The following FAM167A variants were observed in gnomAD, a reference collection of about 807,000 sequenced individuals.
FAM167A encodes the protein family with sequence similarity 167 member A.
FAM167A carries 23 observed loss-of-function variants against 14.9 expected under a neutral mutation model. That is an observed-to-expected ratio of 1.55 (90% CI 1.11 to 2.19). FAM167A has a LOEUF of 2.19. FAM167A is among the 30% of genes most tolerant of loss of function. The probability of loss-of-function intolerance (pLI) is 0.00; values close to 1 mark genes in which losing one functional copy is unlikely to be tolerated. For synonymous variants in FAM167A, 174 were observed against 117.7 expected (o/e 1.48, Z -3.10); for missense variants, 401 against 281.5 (o/e 1.42, Z -3.04).
rs1804994494 is a variant in FAM167A at position 11,424,524 on chromosome 8, T to C, written c.494A>G (p.Asn165Ser). 3.1e-6 allele frequency: 5 copies of C among 1,614,158 alleles called. No individual in the cohort carries two copies. Among genetic ancestry groups the C allele is most frequent in the Non-Finnish European group, 4.2e-6 (5 of 1,180,014 alleles). Residue 165 changes from asparagine to serine, a missense_variant, in exon 3 of 3, where the codon AAC becomes AGC. Asn to Ser is a conservative substitution (Grantham distance 46). Coordinates refer to ENST00000284486, the MANE Select transcript of FAM167A (RefSeq NM_053279.3). ...CTCCTCCAGCTCGTAGGTGGCATCG[T>C]TGAGCATCCTCCTGTGGAGGCGGCA... ...HTCRLHRRMLNDATYELEERD... is the reference protein window; with the variant it reads ...HTCRLHRRMLSDATYELEERD...
At chr8:11,453,059 T>A (rs57526558) in intron 1 of FAM167A, among the ~76,000 whole-genome samples, 1 of 152,008 alleles carries the variant, frequency 6.6e-6, no homozygotes, top group African/African-American at 2.4e-5. Context: ...GCCTGGGGAC[T>A]TGGACGCTGT....
intron 2 of FAM167A, among the ~76,000 whole-genome samples, chr8:11,426,429 T>A (rs1015040624): frequency 6.6e-6 from 1 of 152,226 alleles, no homozygotes; most frequent in African/African-American, 2.4e-5. Flanking sequence ...TTTAAGTATT[T>A]TACAGAGTTT....
At chr8:11,439,435 G>A (rs1157258919) in intron 2 of FAM167A, among the ~76,000 whole-genome samples, 1 of 152,252 alleles carries the variant, frequency 6.6e-6, no homozygotes, top group African/African-American at 2.4e-5. Context: ...AGGCAGCACA[G>A]GCAACAGAGG....
chr8:11,426,392 C>CACTT, intron 2 of FAM167A, among the ~76,000 whole-genome samples: 1 of 152,200 alleles, frequency 6.6e-6, no homozygotes, highest in Non-Finnish European at 1.5e-5. Flanking sequence ...GGCCCATGGT[C>CACTT]ACTTACACTG....
chr8:11,434,910 T>C (rs992502099), intron 2 of FAM167A: 1 of 403,434 alleles, frequency 2.5e-6, no homozygotes, highest in South Asian at 1.8e-5. Flanking sequence ...GTGGGAGAGA[T>C]GTGACTGCTG....
chr8:11,438,379 G>A (rs566490107), intron 2 of FAM167A: 3 of 450,292 alleles, frequency 6.7e-6, no homozygotes, highest in South Asian at 1.6e-5. Flanking sequence ...GAGATTGAAG[G>A]CCTTACTTTT....
chr8:11,450,073 A>G (rs1368685357), intron 1 of FAM167A, among the ~76,000 whole-genome samples: 2 of 152,130 alleles, frequency 1.3e-5, no homozygotes, highest in Non-Finnish European at 2.9e-5. Context: ...ATAAGACACA[A>G]TCTTTCCAAC....
At chr8:11,441,495 A>T (rs1250604643) in intron 2 of FAM167A, among the ~76,000 whole-genome samples, 4 of 152,162 alleles carry the variant, frequency 2.6e-5, no homozygotes, top group East Asian at 1.9e-4. Flanking sequence ...GCTCTGAGAG[A>T]TTCTCTATCC....
Position 11,444,701 on chromosome 8 carries a change from G to C in FAM167A, c.-290C>G. 8.3e-7 allele frequency: 1 copy of C among 1,204,126 alleles called. No individual in the cohort carries two copies. The highest frequency in any genetic ancestry group is 1.0e-6 in the Non-Finnish European group (1 of 966,828). 74.6% of individuals were successfully genotyped at this position (1,204,126 alleles called of 1,614,324 possible). On this transcript the variant is annotated 5_prime_UTR_variant, in exon 2 of 3. Coordinates refer to ENST00000284486, the MANE Select transcript of FAM167A (RefSeq NM_053279.3). ...AACAGACAGCGTCGCAGGAATCTCG[G>C]GGCAGCCTGTGCCAAGGTCTATCTG...
Position 11,421,575 on chromosome 8 carries a change from C to A in FAM167A, c.*2798G>T, listed in dbSNP as rs570280545. On this transcript the variant is annotated 3_prime_UTR_variant, in exon 3 of 3. Transcript: ENST00000284486. Reference sequence around the variant, plus strand: ...AATCATAAAAAATAAAAGTATAAATCGTCCATTGATTATGTAATAGCACTT... The same window carrying A: ...AATCATAAAAAATAAAAGTATAAATAGTCCATTGATTATGTAATAGCACTT... The A allele has an allele frequency of 2.5e-6, 1 of 397,458 alleles. No homozygotes were observed. The highest frequency in any genetic ancestry group is 4.4e-6 in the Non-Finnish European group (1 of 225,734). The allele number at this position is 397,458 out of a possible 1,614,324, so 24.6% of individuals were successfully genotyped here.
chr8:11,431,506 C>T (rs578122337), intron 2 of FAM167A, among the ~76,000 whole-genome samples: 10 of 152,302 alleles, frequency 6.6e-5, no homozygotes, highest in African/African-American at 2.2e-4. Flanking sequence ...GTGAACTGTA[C>T]ATATAAAATG....
rs1040751901 is a variant in FAM167A, at chr8:11,445,303, G to A, written c.-397-495C>T. ...GGCTAAGGTGGGTCTGCTCCGTCCA[G>A]GTGCCACTGCCCCCTCACCACCTCC... On this transcript the variant is annotated intron_variant, in intron 1 of 2. Transcript: ENST00000284486. 5 of 985,864 alleles carry A rather than the reference G, an allele frequency of 5.1e-6. No homozygotes were observed. The African/African-American group carries it at 8.7e-5, about 17-fold the overall frequency. 61.1% of individuals were successfully genotyped at this position (985,864 alleles called of 1,614,324 possible).
At chr8:11,447,508 T>C (rs1038738276) in intron 1 of FAM167A, among the ~76,000 whole-genome samples, 2 of 152,214 alleles carry the variant, frequency 1.3e-5, no homozygotes, top group African/African-American at 4.8e-5. Flanking sequence ...GGTCCTCAGA[T>C]CTGCTGAGCT....
chr8:11,471,679 G>C (rs1469366708), upstream of FAM167A, among the ~76,000 whole-genome samples: 1 of 152,194 alleles, frequency 6.6e-6, no homozygotes, highest in African/African-American at 2.4e-5. Flanking sequence ...GCCTGGGCTG[G>C]GTTTTAGAGA....
chr8:11,446,016 CA>C lies in FAM167A; in HGVS notation c.-397-1209del, dbSNP rs36111790. Among the ~76,000 whole-genome samples the C allele has an allele frequency of 9.7e-3, 814 of 84,258 alleles. 6 individuals are homozygous for C. Among genetic ancestry groups the C allele is most frequent in the African/African-American group, 0.033 (667 of 20,304 alleles). The allele number at this position is 84,258 out of a possible 152,430, so 55.3% of individuals were successfully genotyped here. On this transcript the variant is annotated intron_variant, in intron 1 of 2. Coordinates refer to ENST00000284486, the MANE Select transcript of FAM167A (RefSeq NM_053279.3). Reference sequence around the variant, plus strand: ...TGTAAATGCCTAAAAACATCCCGGCCAAAAAAAAAAAAAAAAAAAAAGGAAG... The same window carrying C: ...TGTAAATGCCTAAAAACATCCCGGCCAAAAAAAAAAAAAAAAAAAAGGAAG...
Position 11,422,850 on chromosome 8 carries a change from G to A in FAM167A, c.*1523C>T, listed in dbSNP as rs1476304221. ...GTGATTAGTGACACATGCCCTGTGG[G>A]GCCACTGTCAGTGCCTTGCTCCACC... On this transcript the variant is annotated 3_prime_UTR_variant, in exon 3 of 3. Transcript: ENST00000284486. The A allele has an allele frequency of 6.6e-6, 1 of 152,576 alleles. No individual in the cohort carries two copies. Among genetic ancestry groups the A allele is most frequent in the African/African-American group, 2.4e-5 (1 of 41,430 alleles). 9.5% of individuals were successfully genotyped at this position (152,576 alleles called of 1,614,324 possible).
chr8:11,466,988 C>T (rs1807801049), upstream of FAM167A, among the ~76,000 whole-genome samples: 1 of 152,188 alleles, frequency 6.6e-6, no homozygotes. Flanking sequence ...TGAAACCAAA[C>T]CCAAACATCC....
At chr8:11,468,102 C>T (rs1252069019), upstream of FAM167A, among the ~76,000 whole-genome samples, 1 of 152,258 alleles carries the variant, frequency 6.6e-6, no homozygotes, top group Admixed American at 6.5e-5. Flanking sequence ...AGTCTCCATA[C>T]TGATCTCCCT....
At chr8:11,468,528 C>A (rs903095498), upstream of FAM167A, among the ~76,000 whole-genome samples, 1 of 152,196 alleles carries the variant, frequency 6.6e-6, no homozygotes, top group African/African-American at 2.4e-5. Context: ...AGGGCATGAA[C>A]CATGTTTGCA....
Sources: gnomAD v4.1 joint callset for allele counts (sites outside exome capture counted in the v4.1 genomes callset) on GRCh38, gnomAD v4.1.1 for gene constraint, MANE v1.5 for transcripts, NCBI Gene and HGNC (gene_info 2026-07-23, HGNC 2026-07-21) for gene names.